Variants in SMC5 observed in about 807,000 individuals in gnomAD.
SMC5 encodes structural maintenance of chromosomes protein 5.
Under a neutral mutation model 148.3 loss-of-function variants are expected in SMC5, and 88 were observed. The ratio of observed to expected loss-of-function variants is 0.59; its 90% confidence interval spans 0.50 to 0.71. The LOEUF is 0.71. SMC5 is among the 30% of genes least tolerant of loss of function. SMC5 has a pLI of 0.00. For synonymous variants in SMC5, 421 were observed against 432.8 expected, an observed-to-expected ratio of 0.97 and a Z score of 0.34; for missense variants, 1,142 against 1,298.9, an observed-to-expected ratio of 0.88 and a Z score of 1.86.
intron 10 of SMC5, among the ~76,000 whole-genome samples, chr9:70,303,482 C>T (rs1293453865): frequency 1.3e-5 from 2 of 152,204 alleles, no homozygotes; most frequent in South Asian, 2.1e-4. Flanking sequence ...TTGTTCATAG[C>T]GTTTATGCCT....
At chr9:70,328,353 C>T (rs2036136937) in intron 17 of SMC5, among the ~76,000 whole-genome samples, 2 of 152,202 alleles carry the variant, frequency 1.3e-5, no homozygotes, top group Admixed American at 1.3e-4. Context: ...AAGCTAGTTA[C>T]TTCCAAGATA....
chr9:70,352,493 C>A lies in SMC5; in HGVS notation c.*162C>A. On this transcript the variant is annotated 3_prime_UTR_variant, in exon 25 of 25. Coordinates refer to ENST00000361138, the MANE Select transcript of SMC5 (RefSeq NM_015110.4). The stretch of plus-strand genomic sequence containing the variant: ...GATAATGGAAACTATAATGACCTTT[C>A]CAAAATAGCAGCTGGTAGTAAAAGT... 1.6e-6 allele frequency: 1 copy of A among 640,514 alleles called. No homozygotes were observed. The highest frequency in any genetic ancestry group is 2.5e-6 in the Non-Finnish European group (1 of 402,018). 39.7% of individuals were successfully genotyped at this position (640,514 alleles called of 1,614,324 possible).
At chr9:70,284,588 CAT>C (rs1269506277) in intron 7 of SMC5, among the ~76,000 whole-genome samples, 1 of 152,126 alleles carries the variant, frequency 6.6e-6, no homozygotes, top group Non-Finnish European at 1.5e-5. Context: ...ATTAAGGAAA[CAT>C]ATTTAACCCT....
intron 8 of SMC5, among the ~76,000 whole-genome samples, chr9:70,288,112 G>T (rs2034959480): frequency 6.6e-6 from 1 of 152,116 alleles, no homozygotes; most frequent in South Asian, 2.1e-4. Context: ...CAAATACAAA[G>T]TTGGTAGATT....
chr9:70,259,033 C>G lies in SMC5; in HGVS notation c.-46C>G, dbSNP rs368308674. On this transcript the variant is annotated 5_prime_UTR_variant, in exon 1 of 25. Transcript: ENST00000361138. ...ATGGGCGCTTGGGCGCCTGGGCTGC[C>G]GGACGGTGGGAACGGAAGTCGCTGT... 3 of 1,540,258 alleles carry G rather than the reference C, an allele frequency of 1.9e-6. No individual in the cohort carries two copies. The highest frequency in any genetic ancestry group is 2.4e-5 in the South Asian group (2 of 81,750).
chr9:70,286,170 T>TGGG, intron 7 of SMC5, 30 bp from the exon 8 acceptor site: 4 of 1,397,152 alleles, frequency 2.9e-6, no homozygotes, highest in East Asian at 2.3e-5. Flanking sequence ...TAACTAGCTG[T>TGGG]CCCCCCCTCT....
intron 3 of SMC5, among the ~76,000 whole-genome samples, chr9:70,274,003 C>T (rs2034519049): frequency 6.6e-6 from 1 of 152,208 alleles, no homozygotes; most frequent in Admixed American, 6.5e-5. Flanking sequence ...AGGTGTATTA[C>T]ACTATTCCTC....
intron 7 of SMC5, among the ~76,000 whole-genome samples, chr9:70,283,993 TTTCTC>T (rs1180247207): frequency 1.9e-4 from 29 of 152,228 alleles, no homozygotes; most frequent in Non-Finnish European, 3.8e-4. Context: ...TGATTGTACT[TTTCTC>T]TTTTTAGGCA....
chr9:70,315,312 A>AAAAG (rs2035767028), intron 12 of SMC5, 134 bp from the exon 13 acceptor site: 2 of 472,150 alleles, frequency 4.2e-6, no homozygotes, highest in South Asian at 1.2e-4. Flanking sequence ...AAAATATAAA[A>AAAAG]GAAAAAAGAC....
chr9:70,341,485 A>G (rs2036521916), intron 17 of SMC5, among the ~76,000 whole-genome samples: 1 of 152,196 alleles, frequency 6.6e-6, no homozygotes, highest in Admixed American at 6.5e-5. Flanking sequence ...GGAGTCTTTA[A>G]CATTTTCTTT....
At chr9:70,344,400 T>G (rs1408993456) in intron 18 of SMC5, 131 bp downstream of exon 18, 2 of 390,490 alleles carry the variant, frequency 5.1e-6, no homozygotes, top group African/African-American at 4.4e-5. Context: ...TCCACATTTT[T>G]AAACTGAATA....
chr9:70,321,892 C>T (rs1243029316), intron 15 of SMC5, among the ~76,000 whole-genome samples: 1 of 149,786 alleles, frequency 6.7e-6, no homozygotes, highest in Non-Finnish European at 1.5e-5. Context: ...ATAACACAGC[C>T]CACAGCTTTT....
At chr9:70,266,752 A>G (rs1168013410) in intron 2 of SMC5, among the ~76,000 whole-genome samples, 1 of 152,200 alleles carries the variant, frequency 6.6e-6, no homozygotes, top group Non-Finnish European at 1.5e-5. Flanking sequence ...TAACAAAAAC[A>G]TACTCTACAC....
chr9:70,348,039 G>A lies in SMC5; in HGVS notation c.2889+1G>A. 2 of 1,558,102 alleles carry A rather than the reference G, an allele frequency of 1.3e-6. No homozygotes were observed. The highest frequency in any genetic ancestry group is 1.3e-5 in the South Asian group (1 of 79,912). On this transcript the variant is annotated splice_donor_variant, in intron 22 of 24. Coordinates refer to ENST00000361138, the MANE Select transcript of SMC5 (RefSeq NM_015110.4). LOFTEE classifies it high-confidence loss of function. ...AGTTGATCTCCATACAGAAAATGAG[G>A]TAAAATTGCATTTGAAATAAATAAT...
Position 70,264,521 on chromosome 9 carries a change from A to G in SMC5, c.327+76A>G, listed in dbSNP as rs946900960. The stretch of plus-strand genomic sequence containing the variant: ...TTAGTAACATCAATTTCTACACCTC[A>G]GTTCCTTGGGTATAGCAAACTTAAT... On this transcript the variant is annotated intron_variant, in intron 2 of 24. Coordinates refer to ENST00000361138, the MANE Select transcript of SMC5 (RefSeq NM_015110.4). The G allele has an allele frequency of 5.4e-6, 8 of 1,489,624 alleles. No individual in the cohort carries two copies. The African/African-American group carries it at 8.4e-5, about 16-fold the overall frequency. The allele number at this position is 1,489,624 out of a possible 1,614,324, so 92.3% of individuals were successfully genotyped here.
At chr9:70,288,732 T>A (rs768621559) in intron 8 of SMC5, among the ~76,000 whole-genome samples, 3 of 152,140 alleles carry the variant, frequency 2.0e-5, no homozygotes, top group Non-Finnish European at 4.4e-5. Context: ...TTGTTTTAAT[T>A]TCTATGGATA....
chr9:70,351,562 T>A lies in SMC5; in HGVS notation c.3166-629T>A, dbSNP rs577033482. Among the ~76,000 whole-genome samples the A allele has an allele frequency of 1.9e-3, 295 of 152,204 alleles. 1 individual carries two copies. Among genetic ancestry groups the A allele is most frequent in the Admixed American group, 6.4e-3 (98 of 15,284 alleles). On this transcript the variant is annotated intron_variant, in intron 24 of 24. Transcript: ENST00000361138. The stretch of plus-strand genomic sequence containing the variant: ...TCAAAGAAGTTGCTTGAGAAGTGTT[T>A]ATAAATAAAAAGTGAAAGTATCTAC...
At chr9:70,335,062 T>C (rs1346201459) in intron 17 of SMC5, among the ~76,000 whole-genome samples, 1 of 152,206 alleles carries the variant, frequency 6.6e-6, no homozygotes, top group African/African-American at 2.4e-5. Flanking sequence ...GGTGGGAATT[T>C]AAAATGTATA....
At chr9:70,339,111 G>A (rs922087351) in intron 17 of SMC5, among the ~76,000 whole-genome samples, 4 of 152,018 alleles carry the variant, frequency 2.6e-5, no homozygotes, top group Admixed American at 1.3e-4. Flanking sequence ...CTGTCTGATC[G>A]TAGTCATTAG....
Sources: allele counts gnomAD v4.1 joint callset (sites outside exome capture counted in the v4.1 genomes callset), GRCh38; gene constraint gnomAD v4.1.1; transcripts MANE v1.5; gene names NCBI Gene and HGNC (gene_info 2026-07-23, HGNC 2026-07-21).